PRKAR1B: variants seen among roughly 807,000 people sequenced by gnomAD.
The protein encoded by PRKAR1B is protein kinase cAMP-dependent type I regulatory subunit beta, also known as cAMP-dependent protein kinase type I-beta regulatory subunit.
PRKAR1B carries 22 observed loss-of-function variants against 46.5 expected under a neutral mutation model. The ratio of observed to expected loss-of-function variants is 0.47; its 90% CI spans 0.34 to 0.68. The LOEUF is 0.68. Among genes scored for constraint, PRKAR1B ranks in the 30% least tolerant of loss-of-function variants. PRKAR1B has a pLI of 0.01. For missense variants in PRKAR1B, 445 were observed against 535.6 expected (o/e 0.83, Z 1.67); for synonymous variants, 259 against 217.7 (o/e 1.19, Z -1.67).
At chr7:629,996 G>A (rs1554295548) in intron 4 of PRKAR1B, among the ~76,000 whole-genome samples, 4 of 143,486 alleles carry the variant, frequency 2.8e-5, no homozygotes, top group Admixed American at 6.9e-5. Context: ...CTGCAGGAGC[G>A]GGGCCACGGC....
intron 2 of PRKAR1B, among the ~76,000 whole-genome samples, chr7:689,971 G>A (rs987325499): frequency 8.7e-5 from 13 of 149,944 alleles, no homozygotes; most frequent in African/African-American, 2.9e-4. Flanking sequence ...ATGAGCCACC[G>A]CGCCTGGCCG....
chr7:573,040 A>G (rs890849744), intron 9 of PRKAR1B, among the ~76,000 whole-genome samples: 2 of 151,248 alleles, frequency 1.3e-5, no homozygotes, highest in African/African-American at 4.9e-5. Flanking sequence ...GCCCCGCCGC[A>G]CCTGTCTGAT....
intron 4 of PRKAR1B, among the ~76,000 whole-genome samples, chr7:623,987 T>C (rs1783247154): frequency 6.6e-6 from 1 of 152,218 alleles, no homozygotes; most frequent in Admixed American, 6.5e-5. Flanking sequence ...CCAGAATTGC[T>C]AGTCCATGCC....
intron 2 of PRKAR1B, among the ~76,000 whole-genome samples, chr7:702,004 C>T (rs971655012): frequency 5.3e-5 from 8 of 152,052 alleles, no homozygotes; most frequent in African/African-American, 9.7e-5. Context: ...ACTGAAAATA[C>T]GTGAAAGTGT....
At chr7:677,366 T>A in intron 3 of PRKAR1B, 46 bp from the exon 4 acceptor site, 4 of 1,554,734 alleles carry the variant, frequency 2.6e-6, no homozygotes, top group Non-Finnish European at 3.6e-6. Flanking sequence ...CCTGGCCTGA[T>A]GCTGTGACGC....
chr7:708,790 A>ATT (rs367689443), intron 2 of PRKAR1B, among the ~76,000 whole-genome samples: 19 of 131,756 alleles, frequency 1.4e-4, no homozygotes, highest in Non-Finnish European at 1.6e-4. Flanking sequence ...CCCGGCCCCA[A>ATT]TTTTTTTTTT....
chr7:670,879 C>T lies in PRKAR1B; in HGVS notation c.440+6350G>A, dbSNP rs555893630. On this transcript the variant is annotated intron_variant, in intron 4 of 10. Transcript: ENST00000537384. ...GCCTCCGAGCTCCCCCATGCCACGG[C>T]GTCAGGCAGAGGGGCTCAGGACCGA... Among the ~76,000 whole-genome samples, 21 of 152,286 alleles carry T rather than the reference C, an allele frequency of 1.4e-4. No individual in the cohort carries two copies. In the East Asian group the frequency reaches 4.1e-3, roughly 29 times the overall value.
chr7:687,569 G>A (rs1253852150), intron 2 of PRKAR1B, among the ~76,000 whole-genome samples: 1 of 152,210 alleles, frequency 6.6e-6, no homozygotes, highest in Non-Finnish European at 1.5e-5. Flanking sequence ...TGAAGAGCAT[G>A]TGGACTATGG....
chr7:589,880 A>G (rs1216601695), intron 7 of PRKAR1B, among the ~76,000 whole-genome samples: 1 of 152,224 alleles, frequency 6.6e-6, no homozygotes, highest in Non-Finnish European at 1.5e-5. Context: ...CGGGACAGAG[A>G]GAGGAGCCGG....
chr7:698,067 G>C (rs1779864613), intron 2 of PRKAR1B, among the ~76,000 whole-genome samples: 2 of 93,254 alleles, frequency 2.1e-5, no homozygotes, highest in Admixed American at 1.0e-4. Context: ...GGGAGGGGAG[G>C]GGAGGGAAGG....
At chr7:679,086 C>T (rs1778509208) in intron 3 of PRKAR1B, among the ~76,000 whole-genome samples, 1 of 152,144 alleles carries the variant, frequency 6.6e-6, no homozygotes, top group Non-Finnish European at 1.5e-5. Context: ...GAAACTCCAT[C>T]TCAAAAAAAT....
At chr7:660,468 TGC>T in intron 4 of PRKAR1B, among the ~76,000 whole-genome samples, 1 of 113,250 alleles carries the variant, frequency 8.8e-6, no homozygotes, top group Non-Finnish European at 1.7e-5. Flanking sequence ...ATACCTACTC[TGC>T]CCCCAATGCC....
chr7:581,069 C>T (rs1048483577), intron 8 of PRKAR1B, among the ~76,000 whole-genome samples: 33 of 152,132 alleles, frequency 2.2e-4, no homozygotes, highest in African/African-American at 7.5e-4. Flanking sequence ...TTTGGGAGGC[C>T]GAGGCGGGCG....
chr7:680,453 C>T (rs1452135272), intron 3 of PRKAR1B, 103 bp downstream of exon 3: 1 of 1,182,976 alleles, frequency 8.5e-7, no homozygotes, highest in African/African-American at 1.6e-5. Flanking sequence ...GACACTGAGA[C>T]CCCCAGGAGG....
chr7:663,475 A>G (rs894000674), intron 4 of PRKAR1B, among the ~76,000 whole-genome samples: 3 of 152,130 alleles, frequency 2.0e-5, no homozygotes, highest in Admixed American at 6.5e-5. Flanking sequence ...GGGCTCAAGC[A>G]ATCCCCCTGC....
rs143408226 is a variant in PRKAR1B, at chr7:633,637, G to A, written c.441-26185C>T. Among the ~76,000 whole-genome samples the A allele has an allele frequency of 3.9e-4, 60 of 152,252 alleles. No homozygotes were observed. In the East Asian group the frequency reaches 9.6e-3, roughly 24 times the overall value. ...AAATTAGCTGGGTGTGGTGGTGCAT[G>A]CCTGTGGTCCTGATTTTATTGAGCT... On this transcript the variant is annotated intron_variant, in intron 4 of 10. Coordinates refer to ENST00000537384, the MANE Select transcript of PRKAR1B (RefSeq NM_001164760.2).
At chr7:701,296 AAGAAAAAG>A (rs1214046648) in intron 2 of PRKAR1B, among the ~76,000 whole-genome samples, 1 of 139,744 alleles carries the variant, frequency 7.2e-6, no homozygotes, top group South Asian at 2.1e-4. Flanking sequence ...GAAAGAAAGA[AAGAAAAAG>A]AAAGAAAGAA....
At chr7:607,321 ATTT>A (rs1180129687) in intron 5 of PRKAR1B, 67 bp downstream of exon 5, 1 of 1,273,930 alleles carries the variant, frequency 7.8e-7, no homozygotes, top group Non-Finnish European at 1.1e-6. Flanking sequence ...CCCTTATGCT[ATTT>A]TTTTTTTAAG....
At chr7:618,225 C>T (rs1782938239) in intron 4 of PRKAR1B, among the ~76,000 whole-genome samples, 1 of 152,234 alleles carries the variant, frequency 6.6e-6, no homozygotes, top group Admixed American at 6.5e-5. Context: ...GGCAGCAAAC[C>T]CCGCCGTTCC....
Sources: gnomAD v4.1 joint callset for allele counts (sites outside exome capture counted in the v4.1 genomes callset) on GRCh38, gnomAD v4.1.1 for gene constraint, MANE v1.5 for transcripts, NCBI Gene and HGNC (gene_info 2026-07-23, HGNC 2026-07-21) for gene names.